The following ACSM2A variants were observed in gnomAD, a reference collection of about 807,000 sequenced individuals.
The protein encoded by ACSM2A is acyl-CoA synthetase medium chain family member 2A.
ACSM2A carries 72 observed loss-of-function variants against 76.6 expected under a neutral mutation model. The ratio of observed to expected loss-of-function variants is 0.94; its 90% CI spans 0.78 to 1.14. ACSM2A has a LOEUF of 1.14. Among genes scored for constraint, ACSM2A ranks in the 50% most tolerant of loss-of-function variants. The probability of loss-of-function intolerance (pLI) is 0.00; values close to 1 mark genes in which losing one functional copy is unlikely to be tolerated. For missense variants in ACSM2A, 684 were observed against 708.5 expected, an observed-to-expected ratio of 0.97 and a Z score of 0.39; for synonymous variants, 249 against 255.9, an observed-to-expected ratio of 0.97 and a Z score of 0.26.
At chr16:20,466,707 G>C (rs1256826747) in intron 3 of ACSM2A, among the ~76,000 whole-genome samples, 1 of 152,220 alleles carries the variant, frequency 6.6e-6, no homozygotes, top group Non-Finnish European at 1.5e-5. Context: ...AGTTGAGTTA[G>C]TTTCTTGGTA....
chr16:20,471,853 G>A (rs1258442759), intron 6 of ACSM2A, among the ~76,000 whole-genome samples, 164 bp downstream of exon 6: 1 of 152,160 alleles, frequency 6.6e-6, no homozygotes, highest in Non-Finnish European at 1.5e-5. Context: ...ACCTCACAGA[G>A]CTCATGTTCT....
At chr16:20,468,182 T>C (rs1035577282) in intron 3 of ACSM2A, among the ~76,000 whole-genome samples, 7 of 152,286 alleles carry the variant, frequency 4.6e-5, no homozygotes, top group Admixed American at 4.6e-4. Flanking sequence ...TCTATTGTTC[T>C]GTGTCTGACT....
chr16:20,476,458 A>G, intron 8 of ACSM2A: 1 of 985,484 alleles, frequency 1.0e-6, no homozygotes, highest in Non-Finnish European at 1.2e-6. Context: ...CCCTTGGAAG[A>G]ACTTTTGCAG....
At position 20,469,502 on chromosome 16, in the gene ACSM2A, G is replaced by T. The variant is rs771845345; in HGVS notation, c.389-10G>T. On this transcript the variant is annotated splice_polypyrimidine_tract_variant and intron_variant, in intron 3 of 13. Coordinates refer to ENST00000573854, the MANE Select transcript of ACSM2A (RefSeq NM_001308172.2). The stretch of plus-strand genomic sequence containing the variant: ...TCCTTTCCAATTCTCTAAATTGTTG[G>T]CTTCTTTAGGTCTCATCTTTATGCC... 4.3e-6 allele frequency: 7 copies of T among 1,610,198 alleles called. No homozygotes were observed. Among genetic ancestry groups the T allele is most frequent in the Non-Finnish European group, 5.1e-6 (6 of 1,177,238 alleles).
intron 2 of ACSM2A, among the ~76,000 whole-genome samples, chr16:20,464,513 A>C (rs1482548575): frequency 6.6e-6 from 1 of 152,218 alleles, no homozygotes; most frequent in Non-Finnish European, 1.5e-5. Flanking sequence ...GGGCAAGATG[A>C]GGAGCAAGAC....
chr16:20,482,089 C>A (rs1169235045), intron 12 of ACSM2A: 5 of 126,820 alleles, frequency 3.9e-5, no homozygotes, highest in African/African-American at 1.7e-4. Flanking sequence ...GAGCCGAGAT[C>A]GTGCCCCTGC....
Position 20,483,290 on chromosome 16 carries a change from C to T in ACSM2A, c.1629+113C>T, listed in dbSNP as rs891346153. 126 of 1,488,236 alleles carry T rather than the reference C, an allele frequency of 8.5e-5. 1 individual carries two copies. In the Admixed American group the frequency reaches 2.4e-3, roughly 28 times the overall value. 92.2% of individuals were successfully genotyped at this position (1,488,236 alleles called of 1,614,324 possible). A position where few individuals can be genotyped will look rare whatever the true frequency, so the allele number is the denominator to read the frequency against. ...CTCTAATTTTAAAAAGTCTTCCTGG[C>T]TGGGCGCGGCAGCTCACGCCTGTAA... On this transcript the variant is annotated intron_variant, in intron 13 of 13. Coordinates refer to ENST00000573854, the MANE Select transcript of ACSM2A (RefSeq NM_001308172.2).
rs185551702 is a variant in ACSM2A, at chr16:20,475,246, T to C, written c.895-116T>C. 1.5e-4 allele frequency: 234 copies of C among 1,573,692 alleles called. 1 individual carries two copies. The Middle Eastern group carries it at 1.8e-3, about 12-fold the overall frequency. On this transcript the variant is annotated intron_variant, in intron 6 of 13. Coordinates refer to ENST00000573854, the MANE Select transcript of ACSM2A (RefSeq NM_001308172.2). Reference sequence around the variant, plus strand: ...CCTGAATCAGACATAGTAAACAAGCTAGGGTTTTCATCCAGACCTCTACAA... The same window carrying C: ...CCTGAATCAGACATAGTAAACAAGCCAGGGTTTTCATCCAGACCTCTACAA...
chr16:20,460,401 A>G (rs2012545047), intron 2 of ACSM2A, 110 bp downstream of exon 2: 1 of 1,488,736 alleles, frequency 6.7e-7, no homozygotes, highest in Non-Finnish European at 9.0e-7. Context: ...AAGGCACTGT[A>G]ATAAGCTATG....
intron 6 of ACSM2A, among the ~76,000 whole-genome samples, chr16:20,472,439 C>A (rs2013473840): frequency 6.6e-6 from 1 of 152,148 alleles, no homozygotes; most frequent in Admixed American, 6.5e-5. Flanking sequence ...ATCACTGGGG[C>A]ACCTGCTTCA....
chr16:20,483,275 A>G (rs1392670908), intron 13 of ACSM2A, 98 bp downstream of exon 13: 12 of 1,541,720 alleles, frequency 7.8e-6, no homozygotes, highest in Non-Finnish European at 1.1e-5. Flanking sequence ...CTCTAATTTT[A>G]AAAAGTCTTC....
At chr16:20,467,837 A>G (rs1423699255) in intron 3 of ACSM2A, among the ~76,000 whole-genome samples, 1 of 152,152 alleles carries the variant, frequency 6.6e-6, no homozygotes, top group Non-Finnish European at 1.5e-5. Flanking sequence ...CAACTTTTAC[A>G]TTAAAAGGAT....
chr16:20,465,101 A>T (rs1172209144), intron 2 of ACSM2A, among the ~76,000 whole-genome samples: 1 of 152,234 alleles, frequency 6.6e-6, no homozygotes, highest in African/African-American at 2.4e-5. Flanking sequence ...TGAATGCAGA[A>T]TCAGATGAGA....
At chr16:20,459,189 GGTTAAGTGTATACTGTAAGT>G (rs2012449601) in intron 1 of ACSM2A, among the ~76,000 whole-genome samples, 2 of 151,810 alleles carry the variant, frequency 1.3e-5, no homozygotes, top group South Asian at 4.2e-4. Context: ...GTACAAAGTG[GGTTAAGTGTATACTGTAAGT>G]GTTAAGTGTA....
chr16:20,476,557 T>C, intron 8 of ACSM2A: 7 of 985,416 alleles, frequency 7.1e-6, no homozygotes, highest in Non-Finnish European at 8.4e-6. Flanking sequence ...AAGCATACCC[T>C]GGCAGGGGCC....
At chr16:20,483,603 GTCTT>G in intron 13 of ACSM2A, among the ~76,000 whole-genome samples, 1 of 28,942 alleles carries the variant, frequency 3.5e-5, no homozygotes, top group Non-Finnish European at 9.9e-5. Context: ...AAAAAAAAAA[GTCTT>G]TCTATGATCA....
In ACSM2A at chr16:20,486,634, C is replaced by T. The variant is rs143956389; in HGVS notation, c.1690C>T (p.Arg564Ter). Residue 564 changes from arginine (R) to a stop codon, truncating the protein, a stop_gained, in exon 14 of 14, where the codon CGA becomes TGA. Transcript: ENST00000573854. LOFTEE classifies it high-confidence loss of function. ...VTGKIQRAKLRDKEWKMSGKA... is the reference protein window; with the variant it reads ...VTGKIQRAKL ...AGGGAAAATTCAACGAGCCAAGCTT[C>T]GAGACAAGGAGTGGAAGATGTCCGG... 9.8e-5 allele frequency: 158 copies of T among 1,614,042 alleles called. 1 individual carries two copies. The Middle Eastern group carries it at 3.6e-3, about 37-fold the overall frequency.
intron 9 of ACSM2A, among the ~76,000 whole-genome samples, chr16:20,478,313 C>T (rs71384469): frequency 6.6e-6 from 1 of 152,192 alleles, no homozygotes; most frequent in Non-Finnish European, 1.5e-5. Flanking sequence ...GAGGCTATTA[C>T]TTTATCTGAG....
At chr16:20,466,598 G>A (rs2013012046) in intron 3 of ACSM2A, among the ~76,000 whole-genome samples, 2 of 152,356 alleles carry the variant, frequency 1.3e-5, no homozygotes, top group African/African-American at 2.4e-5. Flanking sequence ...CTTCCAAGGG[G>A]CTAAGGAATA....
Sources: gnomAD v4.1 joint callset for allele counts (sites outside exome capture counted in the v4.1 genomes callset) on GRCh38, gnomAD v4.1.1 for gene constraint, MANE v1.5 for transcripts, NCBI Gene and HGNC (gene_info 2026-07-23, HGNC 2026-07-21) for gene names.